Variants in DAGLA observed in about 807,000 individuals in gnomAD.
The protein encoded by DAGLA is diacylglycerol lipase alpha, also known as diacylglycerol lipase-alpha.
Under a neutral mutation model 102.6 loss-of-function variants are expected in DAGLA, and 22 were observed. The observed-to-expected ratio is 0.21, with a 90% CI of 0.15 to 0.31. DAGLA has a LOEUF of 0.31. Ranked by LOEUF, DAGLA falls within the 10% of genes least tolerant of loss-of-function variation. The probability of loss-of-function intolerance (pLI) is 1.00; values close to 1 mark genes in which losing one functional copy is unlikely to be tolerated. For synonymous variants in DAGLA, 578 were observed against 628.9 expected, an observed-to-expected ratio of 0.92 and a Z score of 1.21; for missense variants, 927 against 1,446.6, an observed-to-expected ratio of 0.64 and a Z score of 5.83.
At chr11:61,696,577 C>G (rs1437313422) in intron 1 of DAGLA, among the ~76,000 whole-genome samples, 1 of 90,308 alleles carries the variant, frequency 1.1e-5, no homozygotes, top group African/African-American at 4.4e-5. Flanking sequence ...ATTTCACAGA[C>G]TGGGCGACCC....
intron 1 of DAGLA, among the ~76,000 whole-genome samples, chr11:61,719,483 G>A (rs547308267): frequency 1.3e-5 from 2 of 152,354 alleles, no homozygotes; most frequent in African/African-American, 4.8e-5. Context: ...AAGTCATAGA[G>A]CACGCTCTTG....
rs983729593 is a variant in DAGLA at position 61,737,822 on chromosome 11, AC to A, written c.1583+72del. 1.0e-5 allele frequency: 12 copies of A among 1,176,880 alleles called. No individual in the cohort carries two copies. In the African/African-American group the frequency reaches 1.1e-4, roughly 11 times the overall value. The allele number at this position is 1,176,880 out of a possible 1,614,324, so 72.9% of individuals were successfully genotyped here. ...TCCTCCCTCCTCCAGGCCTCTCCCC[AC>A]CCCCAGCCCCCGCATCTCTCTCAGT... On this transcript the variant is annotated intron_variant, in intron 15 of 19. Transcript: ENST00000257215.
chr11:61,722,326 C>T (rs1449961233), intron 3 of DAGLA, among the ~76,000 whole-genome samples: 4 of 152,204 alleles, frequency 2.6e-5, no homozygotes, highest in African/African-American at 4.8e-5. Context: ...TGGCTCATGC[C>T]TGTAATCCCA....
rs2065478388 is a variant in DAGLA, at chr11:61,741,352, G to A, written c.2171+3G>A. 1 of 1,603,858 alleles carries A rather than the reference G, an allele frequency of 6.2e-7. No individual in the cohort carries two copies. Among genetic ancestry groups the A allele is most frequent in the Non-Finnish European group, 8.5e-7 (1 of 1,179,176 alleles). On this transcript the variant is annotated splice_donor_region_variant and intron_variant, in intron 19 of 19. Transcript: ENST00000257215. ...GACCACCGCAACAGCAGCGTCAGGT[G>A]AGCCTTGGCCACTCCCAGCCCCACC...
rs756782391 is a variant in DAGLA, at chr11:61,744,242, G to A, written c.2882G>A (p.Arg961His). 9.9e-6 allele frequency: 16 copies of A among 1,612,876 alleles called. No individual in the cohort carries two copies. The highest frequency in any genetic ancestry group is 4.0e-5 in the African/African-American group (3 of 74,898). Reference sequence around the variant, plus strand: ...CCCAGCCAGCAAGAGATCCTGCTCCGTGCCCAGTTCGAGCCCAACCTGGTG... The same window carrying A: ...CCCAGCCAGCAAGAGATCCTGCTCCATGCCCAGTTCGAGCCCAACCTGGTG... ...KSPSQQEILL[R>H]AQFEPNLVPK... Residue 961 changes from arginine (R) to histidine (H), a missense_variant, in exon 20 of 20, where the codon CGT becomes CAT. Transcript: ENST00000257215.
chr11:61,737,203 G>A lies in DAGLA; in HGVS notation c.1393G>A (p.Gly465Ser), dbSNP rs751441996. The A allele has an allele frequency of 5.6e-6, 9 of 1,613,528 alleles. No individual in the cohort carries two copies. The highest frequency in any genetic ancestry group is 2.2e-5 in the East Asian group (1 of 44,880). The change falls in exon 14 of 20, where the codon GGC becomes AGC. Residue 465 changes from glycine (G) to serine (S), a missense_variant. Gly to Ser is a moderately conservative substitution (Grantham distance 56). This residue lies in a region of DAGLA where 218 missense variants were observed against 459.6 expected (regional missense o/e 0.47). Coordinates refer to ENST00000257215, the MANE Select transcript of DAGLA (RefSeq NM_006133.3). ...CCAGGGCCGCGGAACCAAACACTAC[G>A]GCCTGATTGTGGTGGGCCACTCCCT... ...RDLGRGTKHY[G>S]LIVVGHSLGA...
At chr11:61,697,229 A>G (rs957693708) in intron 1 of DAGLA, among the ~76,000 whole-genome samples, 1 of 152,162 alleles carries the variant, frequency 6.6e-6, no homozygotes, top group Admixed American at 6.5e-5. Flanking sequence ...CCCCAGGGTA[A>G]GGTGGCCCTG....
chr11:61,728,891 T>TAC, intron 7 of DAGLA, 40 bp from the exon 8 acceptor site: 1 of 1,586,926 alleles, frequency 6.3e-7, no homozygotes, highest in Non-Finnish European at 8.7e-7. Flanking sequence ...CAGCCGGGCC[T>TAC]GGGCCAGTGA....
At chr11:61,691,559 C>T (rs976444243) in intron 1 of DAGLA, among the ~76,000 whole-genome samples, 1 of 152,240 alleles carries the variant, frequency 6.6e-6, no homozygotes. Context: ...CAACCTGGCC[C>T]TGTGCTCTGG....
chr11:61,734,766 A>T lies in DAGLA; in HGVS notation c.975-83A>T. On this transcript the variant is annotated intron_variant, in intron 9 of 19. Coordinates refer to ENST00000257215, the MANE Select transcript of DAGLA (RefSeq NM_006133.3). This position sits in a 1 kb window ranked among gnomAD's most constrained non-coding sequence, Gnocchi z 4.2. ...GCAGTGGGGCTGAATGCCCAACTGGAACTGGTTCCAGGGACAGTGGCAGGA... is the reference window on the plus strand; with the variant it reads ...GCAGTGGGGCTGAATGCCCAACTGGTACTGGTTCCAGGGACAGTGGCAGGA... The T allele has an allele frequency of 7.1e-7, 1 of 1,410,994 alleles. No individual in the cohort carries two copies. The allele number at this position is 1,410,994 out of a possible 1,614,324, so 87.4% of individuals were successfully genotyped here.
chr11:61,701,601 C>T (rs1256944732), intron 1 of DAGLA, among the ~76,000 whole-genome samples: 1 of 152,194 alleles, frequency 6.6e-6, no homozygotes, highest in Non-Finnish European at 1.5e-5. Context: ...TAGTGCCTTC[C>T]TCTAAGGAAC....
chr11:61,716,052 C>T (rs1421456603), intron 1 of DAGLA, among the ~76,000 whole-genome samples: 1 of 152,040 alleles, frequency 6.6e-6, no homozygotes, highest in Non-Finnish European at 1.5e-5. Context: ...GGTGTGAGCT[C>T]AGAGGGGGAA....
At chr11:61,729,386 A>G (rs1010254880) in intron 8 of DAGLA, among the ~76,000 whole-genome samples, 1 of 152,166 alleles carries the variant, frequency 6.6e-6, no homozygotes, top group South Asian at 2.1e-4. Flanking sequence ...CCTTTTCTCA[A>G]TCGCCTTTCG....
chr11:61,700,002 G>A (rs995374310), intron 1 of DAGLA, among the ~76,000 whole-genome samples: 3 of 152,206 alleles, frequency 2.0e-5, no homozygotes, highest in Admixed American at 6.5e-5. Flanking sequence ...CACTGCCTGC[G>A]AATGCCACAC....
At position 61,713,619 on chromosome 11, in the gene DAGLA, C is replaced by T. The variant is rs867335332; in HGVS notation, c.-44-6493C>T. On this transcript the variant is annotated intron_variant, in intron 1 of 19. Transcript: ENST00000257215. ...TGAACAGCTGGAATCTCACCACGACCAAAGCCTGTGCTAAAGAGAGCAGGA... is the reference window on the plus strand; with the variant it reads ...TGAACAGCTGGAATCTCACCACGACTAAAGCCTGTGCTAAAGAGAGCAGGA... Among the ~76,000 whole-genome samples the T allele has an allele frequency of 2.6e-5, 4 of 152,360 alleles. No homozygotes were observed. The Middle Eastern group carries it at 0.01, about 389-fold the overall frequency.
intron 1 of DAGLA, among the ~76,000 whole-genome samples, chr11:61,692,703 G>A (rs1239878715): frequency 6.6e-6 from 1 of 152,096 alleles, no homozygotes; most frequent in Non-Finnish European, 1.5e-5. Flanking sequence ...GAGCCACTCT[G>A]CCTGGGGCCC....
chr11:61,682,861 A>G (rs1445987884), intron 1 of DAGLA, among the ~76,000 whole-genome samples: 154 of 122,980 alleles, frequency 1.3e-3, no homozygotes, highest in Admixed American at 1.6e-3. Context: ...CGGGGGGGGG[A>G]GGTGTGGAGG....
chr11:61,709,061 C>T (rs1031704619), intron 1 of DAGLA, among the ~76,000 whole-genome samples: 2 of 152,106 alleles, frequency 1.3e-5, no homozygotes, highest in Admixed American at 6.5e-5. Context: ...CTGGCTCAGG[C>T]GAGGGGAGGA....
chr11:61,741,499 C>G, intron 19 of DAGLA, 150 bp downstream of exon 19: 1 of 882,810 alleles, frequency 1.1e-6, no homozygotes, highest in Non-Finnish European at 1.7e-6. Context: ...CTCTAGGGCT[C>G]TCTTGCTGTG....
Sources: gnomAD v4.1 joint callset for allele counts (sites outside exome capture counted in the v4.1 genomes callset) on GRCh38, gnomAD v4.1.1 for gene constraint, gnomAD v4.1.1 regional missense constraint, Gnocchi (gnomAD v3.1) non-coding constraint, MANE v1.5 for transcripts, NCBI Gene and HGNC (gene_info 2026-07-23, HGNC 2026-07-21) for gene names.